The following ARID2 variants were observed in gnomAD, a reference collection of about 807,000 sequenced individuals.
ARID2 encodes AT-rich interactive domain-containing protein 2.
A neutral mutation model predicts 184.6 loss-of-function variants in ARID2; 32 were observed. That is an observed-to-expected ratio of 0.17 (90% confidence interval 0.13 to 0.23). ARID2 has a LOEUF of 0.23. Ranked by LOEUF, ARID2 falls within the 10% of genes least tolerant of loss-of-function variation. ARID2 has a pLI of 1.00. For missense variants in ARID2, 1,696 were observed against 2,197.6 expected, an observed-to-expected ratio of 0.77 and a Z score of 4.56; for synonymous variants, 836 against 772.6, an observed-to-expected ratio of 1.08 and a Z score of -1.36.
intron 16 of ARID2, among the ~76,000 whole-genome samples, chr12:45,863,805 A>G (rs1943789901): frequency 6.8e-6 from 1 of 147,668 alleles, no homozygotes; most frequent in African/African-American, 2.6e-5. Context: ...GTCTTTTTGT[A>G]TTTATAATTC....
intron 3 of ARID2, among the ~76,000 whole-genome samples, chr12:45,751,531 A>G (rs1345707050): frequency 1.3e-5 from 2 of 152,254 alleles, no homozygotes; most frequent in African/African-American, 4.8e-5. Context: ...GCTCAAGGGT[A>G]GAACCAAAGA....
chr12:45,899,655 A>T lies in ARID2; in HGVS notation c.5364-5279A>T, dbSNP rs909194358. 6.8e-4 allele frequency among the ~76,000 whole-genome samples: 35 copies of T among 51,472 alleles called. 1 individual carries two copies. The Admixed American group carries it at 7.1e-3, about 11-fold the overall frequency. 33.8% of individuals were successfully genotyped at this position (51,472 alleles called of 152,430 possible). A position where few individuals can be genotyped will look rare whatever the true frequency, so the allele number is the denominator to read the frequency against. ...TGGTTATATATATATATATTTGGTT[A>T]TATATATATATATGGTTATATATGG... On this transcript the variant is annotated intron_variant, in intron 20 of 20. Coordinates refer to ENST00000334344, the MANE Select transcript of ARID2 (RefSeq NM_152641.4).
At chr12:45,820,990 T>C (rs554837779) in intron 5 of ARID2, among the ~76,000 whole-genome samples, 1 of 152,296 alleles carries the variant, frequency 6.6e-6, no homozygotes, top group South Asian at 2.1e-4. Context: ...TTCCATGGAG[T>C]GCCTTGCTCT....
chr12:45,752,356 T>C (rs1291790536), intron 3 of ARID2, among the ~76,000 whole-genome samples: 4 of 152,220 alleles, frequency 2.6e-5, no homozygotes, highest in African/African-American at 4.8e-5. Context: ...GTTCTTTATT[T>C]CTCTATCTTA....
At chr12:45,788,373 G>GA (rs1193671649) in intron 3 of ARID2, among the ~76,000 whole-genome samples, 1 of 152,124 alleles carries the variant, frequency 6.6e-6, no homozygotes, top group African/African-American at 2.4e-5. Context: ...TCAAGATCAT[G>GA]TAGCTGATAA....
intron 3 of ARID2, among the ~76,000 whole-genome samples, chr12:45,754,080 T>C (rs542492339): frequency 1.6e-4 from 25 of 152,350 alleles, no homozygotes; most frequent in African/African-American, 5.8e-4. Flanking sequence ...AGGTGATTAC[T>C]TGGAAAATAA....
In ARID2 at chr12:45,850,940, T is replaced by C. The variant is rs573808686; in HGVS notation, c.2817T>C (p.Tyr939=). The C allele has an allele frequency of 4.6e-5, 74 of 1,614,180 alleles. No individual in the cohort carries two copies. In the East Asian group the frequency reaches 1.3e-3, roughly 29 times the overall value. The change falls in exon 15 of 21, where the codon TAT becomes TAC. Residue 939 remains tyrosine (Y), a synonymous_variant. Coordinates refer to ENST00000334344, the MANE Select transcript of ARID2 (RefSeq NM_152641.4). ...VSQPAQQGQT[Y]APAIHQIVLA... is the part of the protein sequence containing the mutation. ...AGCCAGCTCAACAAGGTCAAACTTA[T>C]GCACCAGCCATTCACCAAATTGTTC...
At chr12:45,886,127 T>G (rs1052005157) in intron 16 of ARID2, among the ~76,000 whole-genome samples, 1 of 151,990 alleles carries the variant, frequency 6.6e-6, no homozygotes, top group African/African-American at 2.4e-5. Context: ...AAAAGCAAGT[T>G]AGTTACTTCC....
chr12:45,794,007 G>A (rs2138058084), intron 3 of ARID2, among the ~76,000 whole-genome samples: 1 of 152,172 alleles, frequency 6.6e-6, no homozygotes, highest in South Asian at 2.1e-4. Context: ...TTTAATCTGT[G>A]TTTGGTAATT....
At chr12:45,888,425 TAGTG>T in intron 16 of ARID2, among the ~76,000 whole-genome samples, 1 of 152,306 alleles carries the variant, frequency 6.6e-6, no homozygotes, top group East Asian at 1.9e-4. Context: ...TTGTGAGCGA[TAGTG>T]AGTGTTGCTT....
At chr12:45,801,894 G>C (rs1175665943) in intron 3 of ARID2, among the ~76,000 whole-genome samples, 1 of 152,086 alleles carries the variant, frequency 6.6e-6, no homozygotes, top group South Asian at 2.1e-4. Flanking sequence ...AAGGATAAAT[G>C]AATTCTTTGA....
At chr12:45,816,865 T>C (rs183032016) in intron 4 of ARID2, among the ~76,000 whole-genome samples, 3 of 152,324 alleles carry the variant, frequency 2.0e-5, no homozygotes, top group Admixed American at 2.0e-4. Context: ...AAATTTGATT[T>C]GTAGTACCTA....
Position 45,850,070 on chromosome 12 carries a change from T to C in ARID2, c.1947T>C (p.His649=), listed in dbSNP as rs1277231188. 1 of 1,613,700 alleles carries C rather than the reference T, an allele frequency of 6.2e-7. No homozygotes were observed. Among genetic ancestry groups the C allele is most frequent in the Non-Finnish European group, 8.5e-7 (1 of 1,179,824 alleles). Residue 649 remains histidine (H), a synonymous_variant, in exon 15 of 21, where the codon CAT becomes CAC. Transcript: ENST00000334344. The part of the protein sequence containing the change: ...IPHGSQTIGN[H]FQRTPVANQS... ...ATGGATCACAAACCATAGGAAACCA[T>C]TTTCAGAGGACTCCTGTTGCCAACC...
At chr12:45,880,728 C>T (rs1944087025) in intron 16 of ARID2, among the ~76,000 whole-genome samples, 1 of 152,312 alleles carries the variant, frequency 6.6e-6, no homozygotes, top group East Asian at 1.9e-4. Flanking sequence ...GCTGATGTCT[C>T]AAACAGGCAT....
chr12:45,777,885 G>A (rs1436646715), intron 3 of ARID2, among the ~76,000 whole-genome samples: 1 of 150,022 alleles, frequency 6.7e-6, no homozygotes, highest in Non-Finnish European at 1.5e-5. Flanking sequence ...TAACAAACTG[G>A]ACTATTTAGT....
intron 3 of ARID2, among the ~76,000 whole-genome samples, chr12:45,765,615 T>C (rs914264279): frequency 6.6e-6 from 1 of 152,020 alleles, no homozygotes; most frequent in African/African-American, 2.4e-5. Flanking sequence ...ACATAAACTG[T>C]GATTTGTCTT....
chr12:45,845,185 T>C (rs1943419692), intron 11 of ARID2, among the ~76,000 whole-genome samples: 1 of 152,148 alleles, frequency 6.6e-6, no homozygotes, highest in Non-Finnish European at 1.5e-5. Flanking sequence ...TTTCATGAAA[T>C]TGATTGCTAA....
chr12:45,812,294 T>C (rs1305699763), intron 4 of ARID2, among the ~76,000 whole-genome samples: 1 of 151,916 alleles, frequency 6.6e-6, no homozygotes, highest in Non-Finnish European at 1.5e-5. Flanking sequence ...TATTATTATT[T>C]ACTGGTACTA....
At chr12:45,816,957 A>G (rs867425637) in intron 4 of ARID2, among the ~76,000 whole-genome samples, 1 of 152,250 alleles carries the variant, frequency 6.6e-6, no homozygotes, top group Non-Finnish European at 1.5e-5. Flanking sequence ...GATTAAAACT[A>G]TACATCTGTC....
Sources: gnomAD v4.1 joint callset for allele counts (sites outside exome capture counted in the v4.1 genomes callset) on GRCh38, gnomAD v4.1.1 for gene constraint, MANE v1.5 for transcripts, NCBI Gene and HGNC (gene_info 2026-07-23, HGNC 2026-07-21) for gene names.